The following KIFAP3 variants were observed in gnomAD, a reference collection of about 807,000 sequenced individuals.
The protein encoded by KIFAP3 is kinesin associated protein 3.
In KIFAP3, 68 loss-of-function variants were observed where a neutral mutation model predicts 106.5. The observed-to-expected ratio is 0.64, with a 90% confidence interval of 0.53 to 0.78. The LOEUF is 0.78. KIFAP3 is among the 30% of genes least tolerant of loss of function. The pLI is 0.00. For synonymous variants in KIFAP3, 320 were observed against 311.5 expected, an observed-to-expected ratio of 1.03 and a Z score of -0.29; for missense variants, 780 against 941.8, an observed-to-expected ratio of 0.83 and a Z score of 2.25.
chr1:170,034,076 A>C (rs1185729388), intron 7 of KIFAP3, among the ~76,000 whole-genome samples: 3 of 151,830 alleles, frequency 2.0e-5, no homozygotes, highest in African/African-American at 7.2e-5. Context: ...ATCTTAGTGG[A>C]TGTAATGATG....
At chr1:169,950,508 C>A (rs940068731) in intron 19 of KIFAP3, among the ~76,000 whole-genome samples, 1 of 152,048 alleles carries the variant, frequency 6.6e-6, no homozygotes. Flanking sequence ...AAAGGAAAAA[C>A]ACCCAACAAC....
chr1:169,921,354 T>C lies in KIFAP3; in HGVS notation c.*322A>G, dbSNP rs532860667. On this transcript the variant is annotated 3_prime_UTR_variant, in exon 20 of 20. Coordinates refer to ENST00000361580, the MANE Select transcript of KIFAP3 (RefSeq NM_014970.4). Reference sequence around the variant, plus strand: ...TTCATTTTCACTTTACGCTTTTTAATTGAAATTAAATTAGTCACTTAACAT... The same window carrying C: ...TTCATTTTCACTTTACGCTTTTTAACTGAAATTAAATTAGTCACTTAACAT... 2.4e-5 allele frequency: 4 copies of C among 170,126 alleles called. No individual in the cohort carries two copies. Among genetic ancestry groups the C allele is most frequent in the East Asian group, 1.6e-4 (1 of 6,394 alleles). The allele number at this position is 170,126 out of a possible 1,614,324, so 10.5% of individuals were successfully genotyped here. A position where few individuals can be genotyped will look rare whatever the true frequency, so the allele number is the denominator to read the frequency against.
chr1:169,954,291 A>G (rs1186452530), intron 18 of KIFAP3, among the ~76,000 whole-genome samples, 181 bp from the exon 19 acceptor site: 3 of 152,234 alleles, frequency 2.0e-5, no homozygotes, highest in Non-Finnish European at 4.4e-5. Flanking sequence ...CTGGTTCACA[A>G]TAATGCAGCA....
chr1:169,947,742 T>G (rs1664515058), intron 19 of KIFAP3, among the ~76,000 whole-genome samples: 1 of 151,864 alleles, frequency 6.6e-6, no homozygotes, highest in Non-Finnish European at 1.5e-5. Flanking sequence ...GGCAGTGATG[T>G]ATCCAATTTT....
At chr1:170,027,607 T>C (rs187311315) in intron 8 of KIFAP3, among the ~76,000 whole-genome samples, 6 of 152,240 alleles carry the variant, frequency 3.9e-5, no homozygotes, top group Admixed American at 3.9e-4. Flanking sequence ...AAAAAAAGAT[T>C]AGTGAAACTG....
chr1:170,074,097 T>G (rs1421704523), intron 1 of KIFAP3, among the ~76,000 whole-genome samples: 1 of 151,056 alleles, frequency 6.6e-6, no homozygotes, highest in Non-Finnish European at 1.5e-5. Context: ...TTATCTATTA[T>G]GGGAAAATGG....
At chr1:170,058,035 T>C (rs77890361) in intron 1 of KIFAP3, among the ~76,000 whole-genome samples, 3,428 of 152,254 alleles carry the variant, frequency 0.023, 118 homozygotes, top group African/African-American at 0.066. Context: ...CTTCTATAAC[T>C]GCATGTGATA....
At chr1:170,032,381 C>T (rs887262355) in intron 7 of KIFAP3, among the ~76,000 whole-genome samples, 1 of 151,714 alleles carries the variant, frequency 6.6e-6, no homozygotes, top group African/African-American at 2.4e-5. Flanking sequence ...GATTTAGTTA[C>T]TAAGAACACT....
intron 9 of KIFAP3, among the ~76,000 whole-genome samples, chr1:170,019,561 G>T (rs996576214): frequency 2.0e-5 from 3 of 152,014 alleles, no homozygotes; most frequent in African/African-American, 7.2e-5. Flanking sequence ...ACAGTCTTTA[G>T]ACTGTTGCGA....
chr1:169,996,014 C>T (rs920380847), intron 10 of KIFAP3, among the ~76,000 whole-genome samples: 1 of 151,850 alleles, frequency 6.6e-6, no homozygotes, highest in Non-Finnish European at 1.5e-5. Context: ...ATAATAATTT[C>T]TACTGGCAGA....
At chr1:170,009,747 C>T (rs1377187910) in intron 10 of KIFAP3, among the ~76,000 whole-genome samples, 1 of 152,088 alleles carries the variant, frequency 6.6e-6, no homozygotes, top group Admixed American at 6.6e-5. Context: ...AATTTCCTTG[C>T]CATCTTCCAA....
At chr1:170,052,047 A>C (rs1389700129) in intron 2 of KIFAP3, among the ~76,000 whole-genome samples, 1 of 152,162 alleles carries the variant, frequency 6.6e-6, no homozygotes, top group Non-Finnish European at 1.5e-5. Flanking sequence ...AAAATCAATG[A>C]ATCTAGGAGC....
intron 18 of KIFAP3, among the ~76,000 whole-genome samples, chr1:169,955,203 AGTAT>A (rs754890119): frequency 5.3e-5 from 8 of 152,188 alleles, no homozygotes; most frequent in Admixed American, 5.2e-4. Flanking sequence ...TTTGGCACAC[AGTAT>A]AGGCAAATTA....
At chr1:169,923,095 TG>T in intron 19 of KIFAP3, 2 of 985,270 alleles carry the variant, frequency 2.0e-6, no homozygotes, top group East Asian at 2.3e-4. Flanking sequence ...TTTAGGAGAA[TG>T]GAAGTTCTGA....
rs1324800932 is a variant in KIFAP3 at position 170,044,065 on chromosome 1, T to TA, written c.319+2646_319+2647insT. Among the ~76,000 whole-genome samples, 17 of 152,236 alleles carry TA rather than the reference T, an allele frequency of 1.1e-4. 1 individual carries two copies. Among genetic ancestry groups the TA allele is most frequent in the African/African-American group, 3.9e-4 (16 of 41,548 alleles). On this transcript the variant is annotated intron_variant, in intron 3 of 19. Coordinates refer to ENST00000361580, the MANE Select transcript of KIFAP3 (RefSeq NM_014970.4). ...ACCCTCTGCTGGGAACCCAAATCCC[T>TA]TTTCACAGGAGAGGGTAAAATGGTC...
rs187610935 is a variant in KIFAP3, at chr1:170,020,508, G to A, written c.1021-3884C>T. On this transcript the variant is annotated intron_variant, in intron 9 of 19. Coordinates refer to ENST00000361580, the MANE Select transcript of KIFAP3 (RefSeq NM_014970.4). ...CTTGCTCTGTCGCCCAGGCTGGAGC[G>A]ACGATCTTGGCTCACTGCAAGCTCT... 2.3e-3 allele frequency among the ~76,000 whole-genome samples: 354 copies of A among 152,126 alleles called. 5 individuals are homozygous for A. Among genetic ancestry groups the A allele is most frequent in the Non-Finnish European group, 1.4e-3 (96 of 67,980 alleles).
At chr1:169,929,656 A>C (rs561423419) in intron 19 of KIFAP3, among the ~76,000 whole-genome samples, 10 of 152,196 alleles carry the variant, frequency 6.6e-5, no homozygotes, top group Non-Finnish European at 1.3e-4. Flanking sequence ...TTTTATTCTT[A>C]ATCTTTTATA....
At chr1:169,923,062 A>C in intron 19 of KIFAP3, 2 of 984,346 alleles carry the variant, frequency 2.0e-6, no homozygotes, top group Non-Finnish European at 2.4e-6. Flanking sequence ...CATATAACAC[A>C]TACTGGTCCA....
At chr1:170,034,133 C>G (rs1669557405) in intron 7 of KIFAP3, among the ~76,000 whole-genome samples, 1 of 151,762 alleles carries the variant, frequency 6.6e-6, no homozygotes, top group Non-Finnish European at 1.5e-5. Context: ...ACAACTATTA[C>G]CTGCTCCTTC....
Sources: gnomAD v4.1 joint callset for allele counts (sites outside exome capture counted in the v4.1 genomes callset) on GRCh38, gnomAD v4.1.1 for gene constraint, MANE v1.5 for transcripts, NCBI Gene and HGNC (gene_info 2026-07-23, HGNC 2026-07-21) for gene names.